Variants in BRF1 observed in about 807,000 individuals in gnomAD.
BRF1 encodes transcription factor IIIB 90 kDa subunit.
Under a neutral mutation model 81.7 loss-of-function variants are expected in BRF1, and 59 were observed. The observed-to-expected ratio is 0.72, with a 90% CI of 0.59 to 0.90. The LOEUF is 0.90. Ranked by LOEUF, BRF1 falls within the 40% of genes least tolerant of loss-of-function variation. The probability of loss-of-function intolerance (pLI) is 0.00; values close to 1 mark genes in which losing one functional copy is unlikely to be tolerated. For synonymous variants in BRF1, 491 were observed against 395.6 expected, an observed-to-expected ratio of 1.24 and a Z score of -2.86; for missense variants, 1,050 against 936.3, an observed-to-expected ratio of 1.12 and a Z score of -1.58.
rs1595539246 is a variant in BRF1 at position 105,315,143 on chromosome 14, C to G, written c.-162+179G>C. The stretch of plus-strand genomic sequence containing the variant: ...CCGGCCCGGGTCCCCCAGCGGAGCC[C>G]AGGTCGCCCCCCGCGCCCCCGCCCG... On this transcript the variant is annotated intron_variant, in intron 1 of 17. Transcript: ENST00000327359. The surrounding 1 kb of genome is among the most constrained non-coding windows in gnomAD (Gnocchi z 4.4). 1 of 675,364 alleles carries G rather than the reference C, an allele frequency of 1.5e-6. No homozygotes were observed. The highest frequency in any genetic ancestry group is 1.9e-6 in the Non-Finnish European group (1 of 537,924). 41.8% of individuals were successfully genotyped at this position (675,364 alleles called of 1,614,324 possible).
chr14:105,216,473 T>C (rs1595255516), intron 15 of BRF1, among the ~76,000 whole-genome samples: 5 of 151,278 alleles, frequency 3.3e-5, no homozygotes, highest in Admixed American at 3.3e-4. Context: ...GACCAGTGCA[T>C]GGCTGATGTG....
intron 15 of BRF1, chr14:105,217,271 AG>A (rs1891480278): frequency 5.2e-6 from 3 of 576,130 alleles, no homozygotes; most frequent in Non-Finnish European, 9.2e-6. Flanking sequence ...GGATTGTCCC[AG>A]CCCCTCCTTG....
chr14:105,250,143 G>T (rs61742282), intron 5 of BRF1: 7 of 1,612,970 alleles, frequency 4.3e-6, no homozygotes, highest in Non-Finnish European at 5.9e-6. Flanking sequence ...GAGACCCACA[G>T]CATCTTCCTG....
In BRF1 at chr14:105,209,653, G is replaced by GC; in HGVS notation, c.*897_*898insG. The GC allele has an allele frequency of 1.5e-6, 1 of 683,224 alleles. No homozygotes were observed. The highest frequency in any genetic ancestry group is 2.7e-5 in the East Asian group (1 of 37,034). 42.3% of individuals were successfully genotyped at this position (683,224 alleles called of 1,614,324 possible). A position where few individuals can be genotyped will look rare whatever the true frequency, so the allele number is the denominator to read the frequency against. On this transcript the variant is annotated 3_prime_UTR_variant, in exon 18 of 18. Coordinates refer to ENST00000547530, the MANE Select transcript of BRF1 (RefSeq NM_001519.4). Reference sequence around the variant, plus strand: ...CCTCCGTCTGCCCTCCCTCCTCGATGGGGGGCCTGATCCAGCTCTGACAGG... The same window carrying GC: ...CCTCCGTCTGCCCTCCCTCCTCGATGCGGGGGCCTGATCCAGCTCTGACAGG...
Position 105,210,985 on chromosome 14 carries a change from T to C in BRF1, c.1996+137A>G. ...ATCGACATGACCAATTTACAAAATG[T>C]CTTAGTTCAAATTTCTTTCCAGGGA... On this transcript the variant is annotated intron_variant, in intron 17 of 17. Coordinates refer to ENST00000547530, the MANE Select transcript of BRF1 (RefSeq NM_001519.4). The surrounding 1 kb of genome is among the most constrained non-coding windows in gnomAD (Gnocchi z 4.7). 1 of 1,451,804 alleles carries C rather than the reference T, an allele frequency of 6.9e-7. No homozygotes were observed. 89.9% of individuals were successfully genotyped at this position (1,451,804 alleles called of 1,614,324 possible).
intron 1 of BRF1, among the ~76,000 whole-genome samples, chr14:105,291,037 T>C (rs587604285): frequency 3.6e-4 from 55 of 152,218 alleles, no homozygotes; most frequent in African/African-American, 1.3e-3. Flanking sequence ...CTAAAAACAT[T>C]TGGTATTTTC....
In BRF1 at chr14:105,209,933, G is replaced by A. The variant is rs1283704929; in HGVS notation, c.*618C>T. ...GGGAGGGGGGTCTGGAGGAGGCAGGGGTGGGGGTGTCTGCCTCGGACGAGG... is the reference window on the plus strand; with the variant it reads ...GGGAGGGGGGTCTGGAGGAGGCAGGAGTGGGGGTGTCTGCCTCGGACGAGG... On this transcript the variant is annotated 3_prime_UTR_variant, in exon 18 of 18. Coordinates refer to ENST00000547530, the MANE Select transcript of BRF1 (RefSeq NM_001519.4). 1 of 371,038 alleles carries A rather than the reference G, an allele frequency of 2.7e-6. No homozygotes were observed. Among genetic ancestry groups the A allele is most frequent in the Non-Finnish European group, 4.8e-6 (1 of 207,950 alleles). 23.0% of individuals were successfully genotyped at this position (371,038 alleles called of 1,614,324 possible).
intron 6 of BRF1, among the ~76,000 whole-genome samples, chr14:105,240,907 C>G (rs1247339289): frequency 6.6e-6 from 1 of 151,702 alleles, no homozygotes; most frequent in Non-Finnish European, 1.5e-5. Flanking sequence ...GAGCAACAAC[C>G]TAGCATCTCA....
At position 105,241,305 on chromosome 14, in the gene BRF1, C is replaced by G. The variant is rs1343140353; in HGVS notation, c.654G>C (p.Trp218Cys). 1.9e-6 allele frequency: 3 copies of G among 1,612,646 alleles called. No individual in the cohort carries two copies. Among genetic ancestry groups the G allele is most frequent in the Admixed American group, 1.7e-5 (1 of 60,012 alleles). The change falls in exon 6 of 18, where the codon TGG (tryptophan) becomes TGC (cysteine). Residue 218 changes from tryptophan (W) to cysteine (C), a missense_variant. Trp to Cys is a radical substitution (Grantham distance 215). Transcript: ENST00000547530. ...CCGAGGGGCGCCGGCCTGTGTGCAT[C>G]CAGTCCCGCTTCATCCTCTGTAGGA... ...LRLLQRMKRD[W>C]MHTGRRPSGL...
intron 2 of BRF1, among the ~76,000 whole-genome samples, chr14:105,274,330 T>C (rs1359016297): frequency 6.6e-6 from 1 of 152,162 alleles, no homozygotes; most frequent in Non-Finnish European, 1.5e-5. Flanking sequence ...CCGGTGCCGG[T>C]GCAGGTCCTT....
upstream of BRF1, among the ~76,000 whole-genome samples, chr14:105,304,792 G>GGA (rs753872852): frequency 1.2e-4 from 18 of 152,326 alleles, no homozygotes; most frequent in South Asian, 2.1e-4. Flanking sequence ...ATGGCAGCAG[G>GGA]GAGAGAGAGA....
At chr14:105,249,554 C>T (rs755414103) in intron 5 of BRF1, 9 of 1,592,476 alleles carry the variant, frequency 5.7e-6, no homozygotes, top group Non-Finnish European at 7.7e-6. Context: ...GGGAAGCACA[C>T]AGGAGCTGAT....
chr14:105,249,494 T>TG lies in BRF1; in HGVS notation c.544+3012dup, dbSNP rs959462433. 10 of 1,102,496 alleles carry TG rather than the reference T, an allele frequency of 9.1e-6. No homozygotes were observed. In the African/African-American group the frequency reaches 1.4e-4, roughly 16 times the overall value. The allele number at this position is 1,102,496 out of a possible 1,614,324, so 68.3% of individuals were successfully genotyped here. ...TCCTCTTAAAGTAAGTCCACTCTACTGGGGAGGGACGGGTGGGTCCGTTTT... is the reference window on the plus strand; with the variant it reads ...TCCTCTTAAAGTAAGTCCACTCTACTGGGGGAGGGACGGGTGGGTCCGTTTT... On this transcript the variant is annotated intron_variant, in intron 5 of 17. Coordinates refer to ENST00000547530, the MANE Select transcript of BRF1 (RefSeq NM_001519.4).
intron 1 of BRF1, among the ~76,000 whole-genome samples, chr14:105,307,540 G>T (rs936929661): frequency 8.5e-5 from 13 of 152,118 alleles, no homozygotes; most frequent in African/African-American, 3.1e-4. Flanking sequence ...TTTCAAAGGC[G>T]GTTGTCTCTG....
At chr14:105,273,328 A>G (rs1294089822) in intron 2 of BRF1, among the ~76,000 whole-genome samples, 1 of 152,190 alleles carries the variant, frequency 6.6e-6, no homozygotes, top group East Asian at 1.9e-4. Flanking sequence ...AGTCTGGGTC[A>G]GCCCACCCGT....
intron 15 of BRF1, chr14:105,213,506 A>G (rs1890509645): frequency 6.6e-6 from 1 of 151,708 alleles, no homozygotes; most frequent in Non-Finnish European, 1.5e-5. Flanking sequence ...TGGAAGAGGC[A>G]GTTTCTTTGA....
At position 105,209,546 on chromosome 14, in the gene BRF1, C is replaced by A. The variant is rs1186511165; in HGVS notation, c.*1005G>T. The A allele has an allele frequency of 1.4e-6, 1 of 702,542 alleles. No homozygotes were observed. Among genetic ancestry groups the A allele is most frequent in the African/African-American group, 1.7e-5 (1 of 57,266 alleles). The allele number at this position is 702,542 out of a possible 1,614,324, so 43.5% of individuals were successfully genotyped here. A position where few individuals can be genotyped will look rare whatever the true frequency, so the allele number is the denominator to read the frequency against. On this transcript the variant is annotated 3_prime_UTR_variant, in exon 18 of 18. Coordinates refer to ENST00000547530, the MANE Select transcript of BRF1 (RefSeq NM_001519.4). ...CAGGGTGAAGCCCCCTCGGCCACAT[C>A]CGGGGCAGCCATGCCAGAGCTGAGA...
At chr14:105,314,641 G>A (rs1294794532) in intron 1 of BRF1, 3 of 143,982 alleles carry the variant, frequency 2.1e-5, no homozygotes, top group African/African-American at 7.5e-5. Context: ...GCCCCGCCCA[G>A]CCAATCGGCG....
Position 105,241,364 on chromosome 14 carries a change from T to C in BRF1, c.595A>G (p.Lys199Glu). ...GCAGTCATGGACACCTCGTGGTTCT[T>C]CTCCCCGAATTCCAGCAGGTGCGCA... ...RFAHLLEFGE[K>E]NHEVSMTALR... Residue 199 changes from lysine (K) to glutamate (E), a missense_variant, in exon 6 of 18, where the codon AAG becomes GAG. By Grantham distance (56) the Lys-to-Glu change is moderately conservative. This residue lies in a region of BRF1 where 1,043 missense variants were observed against 915.4 expected (regional missense o/e 1.14). Transcript: ENST00000547530. 1 of 1,612,762 alleles carries C rather than the reference T, an allele frequency of 6.2e-7. No homozygotes were observed. Among genetic ancestry groups the C allele is most frequent in the Non-Finnish European group, 8.5e-7 (1 of 1,179,928 alleles).
Sources: allele counts gnomAD v4.1 joint callset (sites outside exome capture counted in the v4.1 genomes callset), GRCh38; gene constraint gnomAD v4.1.1; regional missense constraint gnomAD v4.1.1; non-coding constraint Gnocchi (gnomAD v3.1); transcripts MANE v1.5; gene names NCBI Gene and HGNC (gene_info 2026-07-23, HGNC 2026-07-21).